SV2C: variants seen among roughly 807,000 people sequenced by gnomAD.
SV2C encodes the protein solute carrier family 22 member B3.
Under a neutral mutation model 79.7 loss-of-function variants are expected in SV2C, and 49 were observed. The ratio of observed to expected loss-of-function variants is 0.61; its 90% CI spans 0.49 to 0.78. SV2C has a LOEUF of 0.78. Among genes scored for constraint, SV2C ranks in the 30% least tolerant of loss-of-function variants. SV2C has a pLI of 0.00. For synonymous variants in SV2C, 334 were observed against 333.2 expected (o/e 1.00, Z -0.03); for missense variants, 833 against 912.9 (o/e 0.91, Z 1.13).
chr5:76,179,276 G>A (rs1285257228), intron 2 of SV2C, among the ~76,000 whole-genome samples: 1 of 152,274 alleles, frequency 6.6e-6, no homozygotes, highest in African/African-American at 2.4e-5. Context: ...ATGAATGAAC[G>A]AATGCAGTGT....
chr5:75,888,087 G>T, the SV2C span, among the ~76,000 whole-genome samples: 1 of 151,934 alleles, frequency 6.6e-6, no homozygotes, highest in South Asian at 2.1e-4. Context: ...TCGAAAATAG[G>T]ATCTCATAAT....
chr5:76,308,921 A>G (rs547325258), intron 12 of SV2C, among the ~76,000 whole-genome samples: 58 of 152,256 alleles, frequency 3.8e-4, no homozygotes, highest in Middle Eastern at 6.8e-3. Context: ...CCGTGAGTAA[A>G]TCAGTTGTGG....
At chr5:76,303,518 T>C (rs984127824) in intron 12 of SV2C, among the ~76,000 whole-genome samples, 2 of 152,192 alleles carry the variant, frequency 1.3e-5, no homozygotes, top group African/African-American at 4.8e-5. Context: ...GGCTAGGTCA[T>C]AGCCTCCTTC....
chr5:76,251,534 G>A (rs568609592), intron 4 of SV2C, among the ~76,000 whole-genome samples: 7 of 152,174 alleles, frequency 4.6e-5, no homozygotes, highest in Non-Finnish European at 7.3e-5. Context: ...CTGGACAACA[G>A]TGTGAGACCC....
chr5:76,058,383 G>A, the SV2C span, among the ~76,000 whole-genome samples: 3 of 152,094 alleles, frequency 2.0e-5, no homozygotes, highest in Non-Finnish European at 4.4e-5. Flanking sequence ...ACACTTCGGT[G>A]TTCTACTGCC....
chr5:76,351,460 A>AT (rs113181285), intron 12 of SV2C, among the ~76,000 whole-genome samples: 13,381 of 151,682 alleles, frequency 0.088, 622 homozygotes, highest in South Asian at 0.12. Context: ...AAAAAAAAAA[A>AT]ATAGTCTCAA....
chr5:75,952,478 T>C, the SV2C span, among the ~76,000 whole-genome samples: 1 of 151,888 alleles, frequency 6.6e-6, no homozygotes, highest in South Asian at 2.1e-4. Flanking sequence ...GGTTGAAATG[T>C]AACCCCCAAT....
At chr5:76,305,088 C>G (rs1347999735) in intron 12 of SV2C, among the ~76,000 whole-genome samples, 1 of 152,108 alleles carries the variant, frequency 6.6e-6, no homozygotes, top group Non-Finnish European at 1.5e-5. Flanking sequence ...GTGCCACACA[C>G]TTTCAAACAA....
Position 76,301,486 on chromosome 5 carries a change from C to T in SV2C, c.1941C>T (p.Thr647=), listed in dbSNP as rs1003025040. ...IGMLCLYNGL[T]ISAWNSLDVV... ...TGCTGTGTCTGTACAATGGATTGAC[C>T]ATCTCAGCCTGGAACTCTCTTGACG... The change falls in exon 12 of 13, where the codon ACC becomes ACT. Residue 647 remains threonine (T), a synonymous_variant. Coordinates refer to ENST00000502798, the MANE Select transcript of SV2C (RefSeq NM_014979.4). 7 of 1,613,900 alleles carry T rather than the reference C, an allele frequency of 4.3e-6. No homozygotes were observed. The South Asian group carries it at 6.6e-5, about 15-fold the overall frequency.
chr5:75,869,692 G>C, the SV2C span, among the ~76,000 whole-genome samples: 1 of 152,108 alleles, frequency 6.6e-6, no homozygotes, highest in Non-Finnish European at 1.5e-5. Context: ...GTTACAGTAG[G>C]CCTTGGGTGA....
intron 4 of SV2C, among the ~76,000 whole-genome samples, chr5:76,257,968 G>A (rs759283600): frequency 2.7e-5 from 4 of 149,332 alleles, no homozygotes; most frequent in South Asian, 4.3e-4. Flanking sequence ...GGGTATAAAC[G>A]TGTGGTGTGT....
the SV2C span, among the ~76,000 whole-genome samples, chr5:75,944,189 AC>A: frequency 6.6e-6 from 1 of 152,006 alleles, no homozygotes; most frequent in Admixed American, 6.6e-5. Flanking sequence ...GCTCAAGAGA[AC>A]CAATTCTATG....
intron 2 of SV2C, among the ~76,000 whole-genome samples, chr5:76,175,285 C>G (rs542548669): frequency 6.6e-6 from 1 of 152,254 alleles, no homozygotes; most frequent in East Asian, 1.9e-4. Flanking sequence ...CAGGTAGGAC[C>G]TGAAACACAA....
chr5:75,922,386 A>G, the SV2C span, among the ~76,000 whole-genome samples: 4 of 152,162 alleles, frequency 2.6e-5, no homozygotes, highest in Admixed American at 2.0e-4. Context: ...AAATTAATAA[A>G]ATTAAATAAA....
chr5:75,912,871 G>A, the SV2C span, among the ~76,000 whole-genome samples: 5,045 of 152,268 alleles, frequency 0.033, 204 homozygotes, highest in African/African-American at 0.1. Flanking sequence ...ATTTTGGTCT[G>A]TATCCTAAAA....
chr5:76,176,776 G>A (rs561189785), intron 2 of SV2C, among the ~76,000 whole-genome samples: 2 of 152,292 alleles, frequency 1.3e-5, no homozygotes, highest in South Asian at 4.1e-4. Flanking sequence ...ATGATTTGCA[G>A]CATTGAAAGA....
Position 76,131,914 on chromosome 5 carries a change from A to T in SV2C, c.164A>T (p.Asp55Val), listed in dbSNP as rs1748905581. The T allele has an allele frequency of 6.2e-7, 1 of 1,614,120 alleles. No individual in the cohort carries two copies. The highest frequency in any genetic ancestry group is 1.1e-5 in the South Asian group (1 of 91,078). Residue 55 changes from aspartate to valine, a missense_variant, in exon 2 of 13, where the codon GAT becomes GTT. Physicochemically the swap from Asp to Val is radical, Grantham distance 152 (BLOSUM62 -3). Transcript: ENST00000502798. The stretch of plus-strand genomic sequence containing the variant: ...AGTCGGTTCCAAGATGAAGAAGATG[A>T]TGATGACTACTACCCGGCTGGAGAA... The part of the protein sequence containing the change: ...SYSRFQDEED[D>V]DDYYPAGETY...
chr5:75,981,706 C>T, the SV2C span, among the ~76,000 whole-genome samples: 1 of 151,934 alleles, frequency 6.6e-6, no homozygotes, highest in Non-Finnish European at 1.5e-5. Flanking sequence ...ACACCATTTA[C>T]AAAAATCAAC....
the SV2C span, among the ~76,000 whole-genome samples, chr5:76,029,464 A>G: frequency 6.6e-6 from 1 of 152,068 alleles, no homozygotes; most frequent in Non-Finnish European, 1.5e-5. Flanking sequence ...TTGAATAGAC[A>G]TGAGGTGGGA....
Sources: gnomAD v4.1 joint callset for allele counts (sites outside exome capture counted in the v4.1 genomes callset) on GRCh38, gnomAD v4.1.1 for gene constraint, MANE v1.5 for transcripts, NCBI Gene and HGNC (gene_info 2026-07-23, HGNC 2026-07-21) for gene names.